The following MYO7A variants were observed in gnomAD, a reference collection of about 807,000 sequenced individuals.
MYO7A encodes myosin VIIA.
A neutral mutation model predicts 263.8 loss-of-function variants in MYO7A; 210 were observed. The observed-to-expected ratio is 0.80, with a 90% CI of 0.71 to 0.89. The LOEUF is 0.89. Among genes scored for constraint, MYO7A ranks in the 40% least tolerant of loss-of-function variants. MYO7A has a pLI of 0.00. For synonymous variants in MYO7A, 1,239 were observed against 1,197.3 expected (o/e 1.03, Z -0.72); for missense variants, 2,820 against 2,968.3 (o/e 0.95, Z 1.16).
At chr11:77,210,866 G>T (rs1238994020) in intron 44 of MYO7A, 4 of 326,236 alleles carry the variant, frequency 1.2e-5, no homozygotes, top group African/African-American at 8.4e-5. Context: ...TCTTCATCTT[G>T]AAATGGGGCT....
chr11:77,185,180 G>C (rs1955571123), intron 27 of MYO7A, among the ~76,000 whole-genome samples: 1 of 152,182 alleles, frequency 6.6e-6, no homozygotes, highest in Non-Finnish European at 1.5e-5. Flanking sequence ...GATGGCTGCT[G>C]ACTGATCAGA....
intron 29 of MYO7A, 80 bp from the exon 30 acceptor site, chr11:77,190,615 CAG>C: frequency 7.6e-7 from 1 of 1,319,964 alleles, no homozygotes; most frequent in Non-Finnish European, 1.0e-6. Flanking sequence ...TCCAACCCCA[CAG>C]AAAGCAGAGA....
intron 17 of MYO7A, 80 bp from the exon 18 acceptor site, chr11:77,175,292 C>G: frequency 7.6e-7 from 1 of 1,323,982 alleles, no homozygotes; most frequent in Admixed American, 1.8e-5. Context: ...AGAGCCCTGC[C>G]TCTCAGCCTC....
intron 16 of MYO7A, 131 bp from the exon 17 acceptor site, chr11:77,174,625 C>T: frequency 1.1e-6 from 1 of 901,550 alleles, no homozygotes; most frequent in Non-Finnish European, 1.7e-6. Context: ...CGGTGCCTGT[C>T]CCAGCTTTGC....
At chr11:77,207,659 C>T (rs1213904772) in intron 42 of MYO7A, among the ~76,000 whole-genome samples, 2 of 152,196 alleles carry the variant, frequency 1.3e-5, no homozygotes, top group Admixed American at 1.3e-4. Context: ...AACACCAGAC[C>T]CTCACCCTGC....
chr11:77,193,031 TTGTTGGTGA>T (rs1956282834), intron 31 of MYO7A, among the ~76,000 whole-genome samples: 1 of 91,174 alleles, frequency 1.1e-5, no homozygotes, highest in Non-Finnish European at 1.9e-5. Context: ...AGCGATGGTG[TTGTTGGTGA>T]TGGTGGAGGT....
At chr11:77,190,669 C>T (rs1428456240) in intron 29 of MYO7A, 28 bp from the exon 30 acceptor site, 3 of 1,566,858 alleles carry the variant, frequency 1.9e-6, no homozygotes, top group East Asian at 2.4e-5. Flanking sequence ...GGGAAGGGAC[C>T]CCACAAACCC....
chr11:77,189,834 T>C (rs1955910560), intron 28 of MYO7A, among the ~76,000 whole-genome samples, 186 bp from the exon 29 acceptor site: 1 of 152,120 alleles, frequency 6.6e-6, no homozygotes, highest in Non-Finnish European at 1.5e-5. Flanking sequence ...TAGGCTAAGC[T>C]AGCGGGAGGT....
Position 77,199,735 on chromosome 11 carries a change from T to G in MYO7A, c.4769T>G (p.Ile1590Ser). The change falls in exon 35 of 49, where the codon ATT becomes AGT. Residue 1590 changes from isoleucine to serine, a missense_variant. By Grantham distance (142) the Ile-to-Ser change is moderately radical. Coordinates refer to ENST00000409709, the MANE Select transcript of MYO7A (RefSeq NM_000260.4). ...TTCACCTCCAGCAATGCTGAGGACA[T>G]TCGTGACCTGGTGGTCACCTTCCTA... Reference protein sequence around the residue: ...YTFTSSNAEDIRDLVVTFLEG... With the variant: ...YTFTSSNAEDSRDLVVTFLEG... 6.2e-7 allele frequency: 1 copy of G among 1,613,486 alleles called. No homozygotes were observed. Among genetic ancestry groups the G allele is most frequent in the Non-Finnish European group, 8.5e-7 (1 of 1,179,656 alleles).
At chr11:77,148,256 T>C (rs1951726960) in intron 4 of MYO7A, among the ~76,000 whole-genome samples, 2 of 152,052 alleles carry the variant, frequency 1.3e-5, no homozygotes, top group South Asian at 4.2e-4. Flanking sequence ...CAGGGTGGAG[T>C]CAGTGAGCGG....
At chr11:77,174,186 G>A (rs1954401380) in intron 16 of MYO7A, among the ~76,000 whole-genome samples, 2 of 152,014 alleles carry the variant, frequency 1.3e-5, no homozygotes, top group Non-Finnish European at 2.9e-5. Context: ...TTTCTCCCCA[G>A]CCCCTCCACC....
Position 77,190,196 on chromosome 11 carries a change from G to A in MYO7A, c.3750+57G>A, listed in dbSNP as rs561748566. ...CATGTGTGCGCACGTGTGTAAATGC[G>A]TGTGTGTGTGTGTCCAGTGCACTCG... On this transcript the variant is annotated intron_variant, in intron 29 of 48. Transcript: ENST00000409709. The A allele has an allele frequency of 1.3e-4, 150 of 1,155,726 alleles. 1 individual carries two copies. The highest frequency in any genetic ancestry group is 1.5e-4 in the Non-Finnish European group (132 of 864,500). 71.6% of individuals were successfully genotyped at this position (1,155,726 alleles called of 1,614,324 possible).
At chr11:77,171,274 C>T (rs868989156) in intron 15 of MYO7A, among the ~76,000 whole-genome samples, 8 of 152,016 alleles carry the variant, frequency 5.3e-5, no homozygotes, top group Admixed American at 6.6e-5. Flanking sequence ...CATGCGTATG[C>T]GTGTACTCAT....
At chr11:77,162,511 T>C (rs370528417) in intron 13 of MYO7A, among the ~76,000 whole-genome samples, 181 bp downstream of exon 13, 6 of 152,094 alleles carry the variant, frequency 3.9e-5, no homozygotes, top group African/African-American at 1.4e-4. Context: ...GTCCATGGGG[T>C]TCTGGGCCAG....
chr11:77,213,016 T>C lies in MYO7A; in HGVS notation c.6419T>C (p.Leu2140Pro). 6.3e-7 allele frequency: 1 copy of C among 1,584,214 alleles called. No homozygotes were observed. Among genetic ancestry groups the C allele is most frequent in the Non-Finnish European group, 8.6e-7 (1 of 1,164,316 alleles). ...GCCATCAACAAGTATGGGGTCAGCC[T>C]CATCGATCCCAAAACGAAGGTGAGC... is the stretch of plus-strand genomic sequence containing the variant. ...LIAINKYGVS[L>P]IDPKTKDILT... The change falls in exon 47 of 49, where the codon CTC becomes CCC. Residue 2140 changes from leucine to proline, a missense_variant. By Grantham distance (98) the Leu-to-Pro change is moderately conservative. Coordinates refer to ENST00000409709, the MANE Select transcript of MYO7A (RefSeq NM_000260.4).
intron 43 of MYO7A, 64 bp from the exon 44 acceptor site, chr11:77,208,633 G>A: frequency 6.7e-7 from 1 of 1,503,378 alleles, no homozygotes; most frequent in Non-Finnish European, 9.1e-7. Flanking sequence ...CTGGGTCTGG[G>A]CTCGGGACGT....
At chr11:77,174,711 C>T (rs1954460760) in intron 16 of MYO7A, 45 bp from the exon 17 acceptor site, 1 of 1,537,510 alleles carries the variant, frequency 6.5e-7, no homozygotes, top group African/African-American at 1.4e-5. Context: ...GGCTGCCTCC[C>T]AGCAGGAGCC....
intron 25 of MYO7A, 128 bp downstream of exon 25, chr11:77,182,728 C>A: frequency 3.0e-6 from 3 of 985,676 alleles, no homozygotes; most frequent in Non-Finnish European, 4.5e-6. Flanking sequence ...CCGACCCCTG[C>A]CTGCCACCCT....
chr11:77,160,269 A>C lies in MYO7A; in HGVS notation c.1187A>C (p.Asp396Ala). ...AGGGAACAGGCACTGGACGTGCGCG[A>C]CGCCTTCGTAAAGGTGGGCTGGAGG... ...LSREQALDVR[D>A]AFVKGIYGRL... The change falls in exon 11 of 49, where the codon GAC becomes GCC. Residue 396 changes from aspartate (D) to alanine (A), a missense_variant. Asp to Ala is a moderately radical substitution (Grantham distance 126). Coordinates refer to ENST00000409709, the MANE Select transcript of MYO7A (RefSeq NM_000260.4). 1 of 1,564,860 alleles carries C rather than the reference A, an allele frequency of 6.4e-7. No individual in the cohort carries two copies. The highest frequency in any genetic ancestry group is 8.7e-7 in the Non-Finnish European group (1 of 1,155,474).
Sources: gnomAD v4.1 joint callset for allele counts (sites outside exome capture counted in the v4.1 genomes callset) on GRCh38, gnomAD v4.1.1 for gene constraint, MANE v1.5 for transcripts, NCBI Gene and HGNC (gene_info 2026-07-23, HGNC 2026-07-21) for gene names.